Variants in C3 observed in about 807,000 individuals in gnomAD.
C3 encodes the protein C3 and PZP-like alpha-2-macroglobulin domain-containing protein 1.
A neutral mutation model predicts 207.9 loss-of-function variants in C3; 97 were observed. That is an observed-to-expected ratio of 0.47 (90% CI 0.40 to 0.55). The LOEUF (loss-of-function observed/expected upper bound fraction) is 0.55. Among genes scored for constraint, C3 ranks in the 20% least tolerant of loss-of-function variants. The pLI is 0.00. For synonymous variants in C3, 848 were observed against 857.6 expected (o/e 0.99, Z 0.20); for missense variants, 1,684 against 2,171.7 (o/e 0.78, Z 4.46).
At chr19:6,699,872 A>G (rs1967607469) in intron 19 of C3, among the ~76,000 whole-genome samples, 1 of 151,378 alleles carries the variant, frequency 6.6e-6, no homozygotes, top group Non-Finnish European at 1.5e-5. Flanking sequence ...TATTTTGGGT[A>G]TATTTAAATT....
intron 7 of C3, 62 bp from the exon 8 acceptor site, chr19:6,713,571 C>T: frequency 1.6e-6 from 2 of 1,281,154 alleles, no homozygotes; most frequent in South Asian, 1.2e-5. Flanking sequence ...TCTCCCCCAG[C>T]TTCTCCTGCC....
chr19:6,681,880 CA>C (rs1917870903), intron 35 of C3, 60 bp downstream of exon 35: 10 of 1,224,170 alleles, frequency 8.2e-6, no homozygotes, highest in Non-Finnish European at 1.2e-5. Context: ...AAAGAAAGAC[CA>C]GCCAGATAGA....
At chr19:6,684,527 G>C (rs762170445) in intron 32 of C3, 33 bp downstream of exon 32, 20 of 1,581,428 alleles carry the variant, frequency 1.3e-5, no homozygotes, top group Non-Finnish European at 1.7e-5. Flanking sequence ...GGGGTAGGAG[G>C]AAGGTGACAG....
chr19:6,698,367 C>G (rs1967584641), intron 19 of C3, among the ~76,000 whole-genome samples: 1 of 152,042 alleles, frequency 6.6e-6, no homozygotes, highest in African/African-American at 2.4e-5. Flanking sequence ...ACTCAGAGAT[C>G]TACGTGTAGG....
intron 17 of C3, among the ~76,000 whole-genome samples, chr19:6,703,767 C>T (rs924127367): frequency 2.0e-5 from 3 of 151,630 alleles, no homozygotes; most frequent in East Asian, 1.9e-4. Context: ...ACTGAAGAAG[C>T]GGTGGCCTTT....
intron 17 of C3, among the ~76,000 whole-genome samples, chr19:6,704,259 C>A (rs1358729744): frequency 6.6e-6 from 1 of 152,172 alleles, no homozygotes; most frequent in Non-Finnish European, 1.5e-5. Context: ...TGCACTCCAG[C>A]CTGGGCGAAA....
At chr19:6,701,927 A>C (rs1967682869) in intron 19 of C3, among the ~76,000 whole-genome samples, 200 bp downstream of exon 19, 1 of 152,002 alleles carries the variant, frequency 6.6e-6, no homozygotes, top group Non-Finnish European at 1.5e-5. Context: ...TTGCTATGTG[A>C]CTCTTGGCTG....
intron 16 of C3, 80 bp from the exon 17 acceptor site, chr19:6,707,353 A>AGGACTTCC: frequency 6.3e-7 from 1 of 1,598,066 alleles, no homozygotes; most frequent in Admixed American, 1.7e-5. Flanking sequence ...GACCCCAGGG[A>AGGACTTCC]GGACTTCCCC....
rs1968089624 is a variant in C3 at position 6,718,405 on chromosome 19, G to T, written c.275C>A (p.Ala92Asp). The T allele has an allele frequency of 6.2e-7, 1 of 1,614,070 alleles. No homozygotes were observed. Among genetic ancestry groups the T allele is most frequent in the South Asian group, 1.1e-5 (1 of 91,088 alleles). ...CTTTTCTGACTTGAACTCCCTGTTG[G>T]CTGGGATCTAGGCGTGGGCAGGGCA... is the stretch of plus-strand genomic sequence containing the variant. ...HMGNVTFTIP[A>D]NREFKSEKGR... Residue 92 changes from alanine (A) to aspartate (D), a missense_variant, in exon 3 of 41, where the codon GCC (alanine) becomes GAC (aspartate). This residue lies in a region of C3 where 1,280 missense variants were observed against 1,739.1 expected (regional missense o/e 0.74). Transcript: ENST00000245907.
chr19:6,709,912 G>A, intron 13 of C3, 70 bp from the exon 14 acceptor site: 1 of 1,527,638 alleles, frequency 6.5e-7, no homozygotes, highest in South Asian at 1.1e-5. Context: ...TGGAGTGGGT[G>A]CTGGGCTAGA....
chr19:6,699,540 C>A (rs1967603102), intron 19 of C3, among the ~76,000 whole-genome samples: 1 of 152,162 alleles, frequency 6.6e-6, no homozygotes, highest in African/African-American at 2.4e-5. Context: ...GAGTTTGAGA[C>A]CAGCCTGGCC....
At chr19:6,689,356 CCTCCCT>C (rs1242632598) in intron 27 of C3, among the ~76,000 whole-genome samples, 18 of 47,188 alleles carry the variant, frequency 3.8e-4, no homozygotes, top group Admixed American at 9.3e-4. Context: ...TCCCTCCCTC[CCTCCCT>C]CTCTCTCTCT....
chr19:6,709,371 C>A (rs189949809), intron 14 of C3, among the ~76,000 whole-genome samples: 1 of 152,304 alleles, frequency 6.6e-6, no homozygotes, highest in East Asian at 1.9e-4. Context: ...TCGCTTGAAC[C>A]TGGGAGGCAG....
intron 20 of C3, 38 bp from the exon 21 acceptor site, chr19:6,697,594 C>A (rs1237675388): frequency 6.2e-7 from 1 of 1,613,760 alleles, no homozygotes; most frequent in Non-Finnish European, 8.5e-7. Flanking sequence ...AGTGTGTGTG[C>A]AACAGGCTAC....
chr19:6,705,318 C>A (rs1967750427), intron 17 of C3, among the ~76,000 whole-genome samples: 1 of 151,378 alleles, frequency 6.6e-6, no homozygotes, highest in African/African-American at 2.4e-5. Flanking sequence ...TTTTTCTTTT[C>A]ATTTTCTTTT....
intron 20 of C3, 27 bp downstream of exon 20, chr19:6,697,625 A>G (rs1405430055): frequency 1.2e-6 from 2 of 1,614,042 alleles, no homozygotes; most frequent in Non-Finnish European, 1.7e-6. Flanking sequence ...GCAGCCTCCA[A>G]GAAGCCTCTG....
intron 29 of C3, 106 bp from the exon 30 acceptor site, chr19:6,685,252 G>T: frequency 9.4e-7 from 1 of 1,061,844 alleles, no homozygotes; most frequent in Non-Finnish European, 1.4e-6. Context: ...ATCAAAATGT[G>T]GCCTAGAACC....
At position 6,719,030 on chromosome 19, in the gene C3, A is replaced by C. The variant is rs531079166; in HGVS notation, c.267+181T>G. Among the ~76,000 whole-genome samples the C allele has an allele frequency of 6.4e-5, 9 of 139,992 alleles. No homozygotes were observed. Among genetic ancestry groups the C allele is most frequent in the African/African-American group, 2.2e-4 (8 of 36,770 alleles). 91.8% of individuals were successfully genotyped at this position (139,992 alleles called of 152,430 possible). ...AGGGGCTTATAAGGGGAGGAGACTC[A>C]GAAGGGGTGGAGTCTCAGAGAAGGG... On this transcript the variant is annotated intron_variant, in intron 2 of 40. Transcript: ENST00000245907. The surrounding 1 kb of genome is among the most constrained non-coding windows in gnomAD (Gnocchi z 5.4).
intron 4 of C3, chr19:6,717,580 GTTGTGTGTGTTGTGTGTTGTGTGTGT>G: frequency 4.0e-5 from 7 of 176,050 alleles, no homozygotes; most frequent in South Asian, 3.9e-4. Context: ...TTTTGTGTGT[GTTGTGTGTGTTGTGTGTTGTGTGTGT>G]TTGTGTGTGT....
Sources: gnomAD v4.1 joint callset for allele counts (sites outside exome capture counted in the v4.1 genomes callset) on GRCh38, gnomAD v4.1.1 for gene constraint, gnomAD v4.1.1 regional missense constraint, Gnocchi (gnomAD v3.1) non-coding constraint, MANE v1.5 for transcripts, NCBI Gene and HGNC (gene_info 2026-07-23, HGNC 2026-07-21) for gene names.